PRLR: variants seen among roughly 807,000 people sequenced by gnomAD.
PRLR encodes hPRL receptor.
Under a neutral mutation model 40.2 loss-of-function variants are expected in PRLR, and 13 were observed. The ratio of observed to expected loss-of-function variants is 0.32; its 90% CI spans 0.21 to 0.51. The LOEUF (loss-of-function observed/expected upper bound fraction) is 0.51, where lower values mean the gene tolerates loss of function less well. Among genes scored for constraint, PRLR ranks in the 20% least tolerant of loss-of-function variants. The pLI is 0.97. For synonymous variants in PRLR, 269 were observed against 278.7 expected (o/e 0.97, Z 0.35); for missense variants, 656 against 747.3 (o/e 0.88, Z 1.42).
chr5:35,106,228 A>G (rs1772238855), intron 2 of PRLR, among the ~76,000 whole-genome samples: 1 of 152,342 alleles, frequency 6.6e-6, no homozygotes, highest in East Asian at 1.9e-4. Context: ...TGAAGGAAGC[A>G]CTAAACATGG....
At chr5:35,076,971 A>C (rs1430296912) in intron 5 of PRLR, among the ~76,000 whole-genome samples, 1 of 152,202 alleles carries the variant, frequency 6.6e-6, no homozygotes, top group African/African-American at 2.4e-5. Flanking sequence ...GGAGAAATAA[A>C]ATACTTTACA....
chr5:35,080,634 C>T (rs546514487), intron 5 of PRLR, among the ~76,000 whole-genome samples: 5 of 152,216 alleles, frequency 3.3e-5, no homozygotes, highest in South Asian at 2.1e-4. Flanking sequence ...GTCAGTGTGG[C>T]GATTCCTCAA....
At chr5:35,112,186 C>T (rs1050281420) in intron 2 of PRLR, among the ~76,000 whole-genome samples, 1 of 152,190 alleles carries the variant, frequency 6.6e-6, no homozygotes, top group Non-Finnish European at 1.5e-5. Flanking sequence ...ATGGCTTGCC[C>T]ACTTGTTTTC....
intron 8 of PRLR, 141 bp downstream of exon 8, chr5:35,068,638 A>ATT (rs142999212): frequency 1.4e-6 from 1 of 696,532 alleles, no homozygotes; most frequent in African/African-American, 1.8e-5. Flanking sequence ...CTGATAAAAG[A>ATT]TTTTTTTTAT....
chr5:35,086,385 A>G (rs1473250808), intron 3 of PRLR, 45 bp from the exon 4 acceptor site: 1 of 1,606,214 alleles, frequency 6.2e-7, no homozygotes, highest in Non-Finnish European at 8.5e-7. Flanking sequence ...AGGTCCATTT[A>G]ACCATTTGAC....
chr5:35,151,569 C>A (rs1484960004), intron 1 of PRLR, among the ~76,000 whole-genome samples: 1 of 152,068 alleles, frequency 6.6e-6, no homozygotes, highest in Non-Finnish European at 1.5e-5. Flanking sequence ...GCATGACCAC[C>A]AAGACTAGAT....
Position 35,055,976 on chromosome 5 carries a change from A to C in PRLR, c.*9113T>G, listed in dbSNP as rs2112331686. 6.6e-6 allele frequency: 1 copy of C among 152,326 alleles called. No individual in the cohort carries two copies. Among genetic ancestry groups the C allele is most frequent in the African/African-American group, 2.4e-5 (1 of 41,586 alleles). 9.4% of individuals were successfully genotyped at this position (152,326 alleles called of 1,614,324 possible). A position where few individuals can be genotyped will look rare whatever the true frequency, so the allele number is the denominator to read the frequency against. On this transcript the variant is annotated 3_prime_UTR_variant, in exon 10 of 10. Coordinates refer to ENST00000618457, the MANE Select transcript of PRLR (RefSeq NM_000949.7). ...AACTCATTTACAAATACAGTAATAA[A>C]AATTCCTGAGCTCCCTTTTCTTACA...
intron 3 of PRLR, among the ~76,000 whole-genome samples, chr5:35,089,184 G>A (rs1401555057): frequency 6.6e-6 from 1 of 152,146 alleles, no homozygotes; most frequent in African/African-American, 2.4e-5. Flanking sequence ...ATCTGCAGTA[G>A]AGGAAACATC....
Position 35,086,475 on chromosome 5 carries a change from C to T in PRLR, c.71-135G>A, listed in dbSNP as rs878986925. 5 of 1,071,676 alleles carry T rather than the reference C, an allele frequency of 4.7e-6. No individual in the cohort carries two copies. In the South Asian group the frequency reaches 7.7e-5, roughly 16 times the overall value. The allele number at this position is 1,071,676 out of a possible 1,614,324, so 66.4% of individuals were successfully genotyped here. ...AGGCTGAGGAGACCTAGGGTGGATG[C>T]TCAGGAATGCCAAGCATCAGCATCC... On this transcript the variant is annotated intron_variant, in intron 3 of 9. Transcript: ENST00000618457.
At chr5:35,070,309 T>G in intron 6 of PRLR, 44 bp from the exon 7 acceptor site, 1 of 1,603,618 alleles carries the variant, frequency 6.2e-7, no homozygotes, top group South Asian at 1.1e-5. Context: ...TAACATTTGT[T>G]GTGAAGAAAG....
intron 1 of PRLR, among the ~76,000 whole-genome samples, chr5:35,197,769 A>G (rs968493821): frequency 6.6e-6 from 1 of 152,238 alleles, no homozygotes; most frequent in Non-Finnish European, 1.5e-5. Flanking sequence ...CATGCACCTC[A>G]GTATAGTCGC....
chr5:35,125,680 A>G (rs1426030830), intron 1 of PRLR, among the ~76,000 whole-genome samples: 3 of 152,222 alleles, frequency 2.0e-5, no homozygotes, highest in Non-Finnish European at 4.4e-5. Flanking sequence ...GAAAATTGCT[A>G]TGTTCATGTT....
At chr5:35,184,158 G>T (rs898830419) in intron 1 of PRLR, among the ~76,000 whole-genome samples, 2 of 152,160 alleles carry the variant, frequency 1.3e-5, no homozygotes, top group African/African-American at 2.4e-5. Flanking sequence ...ATGATAGTTG[G>T]CTGATTAAAA....
rs1024762938 is a variant in PRLR at position 35,066,986 on chromosome 5, A to G, written c.856-884T>C. On this transcript the variant is annotated intron_variant, in intron 9 of 9. Transcript: ENST00000618457. ...CACCATGTTAGCCAGGATGGTCTTG[A>G]TCTCCTGACCTCGTGATCTGCCCGC... Among the ~76,000 whole-genome samples the G allele has an allele frequency of 4.6e-5, 7 of 151,896 alleles. 1 individual carries two copies. The highest frequency in any genetic ancestry group is 1.9e-4 in the East Asian group (1 of 5,142).
chr5:35,105,810 T>C (rs914737652), intron 2 of PRLR, among the ~76,000 whole-genome samples: 5 of 152,308 alleles, frequency 3.3e-5, no homozygotes, highest in Non-Finnish European at 4.4e-5. Context: ...CTGCAGGATA[T>C]TATCCAGGAG....
chr5:35,215,877 A>G (rs1261244740), intron 1 of PRLR, among the ~76,000 whole-genome samples: 5 of 151,070 alleles, frequency 3.3e-5, no homozygotes, highest in Non-Finnish European at 7.4e-5. Context: ...AAAAAAAAAA[A>G]AAAAAAAAAA....
intron 5 of PRLR, among the ~76,000 whole-genome samples, chr5:35,080,384 A>G (rs1770426643): frequency 6.6e-6 from 1 of 152,256 alleles, no homozygotes; most frequent in Non-Finnish European, 1.5e-5. Flanking sequence ...GGTGAAGGAT[A>G]TGAACAGACA....
intron 3 of PRLR, among the ~76,000 whole-genome samples, chr5:35,088,879 G>T (rs771453901): frequency 3.9e-5 from 6 of 152,052 alleles, no homozygotes; most frequent in Non-Finnish European, 7.3e-5. Context: ...AACACACACA[G>T]ACATACATAA....
chr5:35,169,149 C>T (rs772028732), intron 1 of PRLR, among the ~76,000 whole-genome samples: 162 of 152,170 alleles, frequency 1.1e-3, no homozygotes, highest in Non-Finnish European at 1.4e-3. Context: ...GCAAGAACAA[C>T]GAAGAACTGA....
Sources: gnomAD v4.1 joint callset for allele counts (sites outside exome capture counted in the v4.1 genomes callset) on GRCh38, gnomAD v4.1.1 for gene constraint, MANE v1.5 for transcripts, NCBI Gene and HGNC (gene_info 2026-07-23, HGNC 2026-07-21) for gene names.